MAGI2: variants seen among roughly 807,000 people sequenced by gnomAD.
The protein encoded by MAGI2 is membrane-associated guanylate kinase, WW and PDZ domain-containing protein 2.
MAGI2 carries 35 observed loss-of-function variants against 133.3 expected under a neutral mutation model. That is an observed-to-expected ratio of 0.26 (90% CI 0.20 to 0.35). The LOEUF (loss-of-function observed/expected upper bound fraction) is 0.35, where lower values mean the gene tolerates loss of function less well. Among genes scored for constraint, MAGI2 ranks in the 10% least tolerant of loss-of-function variants. The pLI, the probability that MAGI2 is intolerant of heterozygous loss-of-function variation, is 1.00. For missense variants in MAGI2, 1,636 were observed against 1,863.4 expected (o/e 0.88, Z 2.25); for synonymous variants, 729 against 710.6 (o/e 1.03, Z -0.41).
At chr7:78,159,671 T>G (rs936865556) in intron 16 of MAGI2, 14 of 164,228 alleles carry the variant, frequency 8.5e-5, no homozygotes, top group East Asian at 1.7e-4. Flanking sequence ...TCAATCAAGT[T>G]ACTTACAGAA....
intron 1 of MAGI2, among the ~76,000 whole-genome samples, chr7:79,332,793 C>A (rs1431724389): frequency 6.6e-6 from 1 of 152,130 alleles, no homozygotes; most frequent in East Asian, 1.9e-4. Flanking sequence ...TTTTGTGAAC[C>A]TAAGTTCATA....
At chr7:79,185,721 G>A (rs749667600) in intron 1 of MAGI2, among the ~76,000 whole-genome samples, 10 of 151,688 alleles carry the variant, frequency 6.6e-5, no homozygotes, top group Non-Finnish European at 1.3e-4. Context: ...ACATCGTGTT[G>A]AAACATGCTC....
intron 9 of MAGI2, among the ~76,000 whole-genome samples, chr7:78,323,746 T>A (rs1788256837): frequency 6.6e-6 from 1 of 152,208 alleles, no homozygotes; most frequent in Admixed American, 6.5e-5. Flanking sequence ...GTAATCTAAA[T>A]GACATAAAAA....
At chr7:78,958,528 T>C (rs574790787) in intron 2 of MAGI2, among the ~76,000 whole-genome samples, 6 of 152,182 alleles carry the variant, frequency 3.9e-5, no homozygotes, top group Non-Finnish European at 8.8e-5. Flanking sequence ...TTTTAGACAT[T>C]ATACCAGATT....
At chr7:78,373,051 G>C (rs916582190) in intron 6 of MAGI2, among the ~76,000 whole-genome samples, 4 of 152,022 alleles carry the variant, frequency 2.6e-5, no homozygotes, top group Non-Finnish European at 5.9e-5. Context: ...TCAAACTTCT[G>C]GGCTCAAGGA....
At chr7:78,944,335 C>T (rs1430550829) in intron 2 of MAGI2, among the ~76,000 whole-genome samples, 3 of 152,122 alleles carry the variant, frequency 2.0e-5, no homozygotes, top group African/African-American at 7.2e-5. Context: ...GTGGCTGCCC[C>T]TCATTGAGTA....
intron 6 of MAGI2, among the ~76,000 whole-genome samples, chr7:78,445,337 G>T (rs564279683): frequency 6.6e-6 from 1 of 151,884 alleles, no homozygotes. Context: ...TGAAATCAAC[G>T]AACGATTATA....
At chr7:78,583,696 C>T (rs1803091139) in intron 3 of MAGI2, among the ~76,000 whole-genome samples, 1 of 151,992 alleles carries the variant, frequency 6.6e-6, no homozygotes, top group Non-Finnish European at 1.5e-5. Flanking sequence ...AAATGGGTGA[C>T]AGTAATGATA....
chr7:79,361,267 G>A (rs1167174878), intron 1 of MAGI2, among the ~76,000 whole-genome samples: 1 of 152,082 alleles, frequency 6.6e-6, no homozygotes, highest in Non-Finnish European at 1.5e-5. Flanking sequence ...AGCTACAGGT[G>A]GGAACTTCAA....
intron 2 of MAGI2, among the ~76,000 whole-genome samples, chr7:78,745,226 C>G (rs1822810684): frequency 6.6e-6 from 1 of 152,078 alleles, no homozygotes; most frequent in Admixed American, 6.6e-5. Flanking sequence ...TAAAATAAGT[C>G]TCAACTGGAA....
rs180759715 is a variant in MAGI2, at chr7:78,465,479, A to G, written c.1045+24282T>C. ...GAGAAATCCTTAGGCTATTCTCTGG[A>G]GAAGTTGCTGTTTCAGAAATTTTAG... On this transcript the variant is annotated intron_variant, in intron 6 of 21. Coordinates refer to ENST00000354212, the MANE Select transcript of MAGI2 (RefSeq NM_012301.4). Among the ~76,000 whole-genome samples, 345 of 152,262 alleles carry G rather than the reference A, an allele frequency of 2.3e-3. 1 individual carries two copies. The highest frequency in any genetic ancestry group is 7.9e-3 in the African/African-American group (330 of 41,556).
chr7:78,813,512 G>A (rs1487079021), intron 2 of MAGI2, among the ~76,000 whole-genome samples: 4 of 152,110 alleles, frequency 2.6e-5, no homozygotes, highest in East Asian at 1.9e-4. Flanking sequence ...GGGGCCGGGC[G>A]CGATGGCTCA....
In MAGI2 at chr7:78,564,460, A is replaced by G. The variant is rs556144930; in HGVS notation, c.539-42815T>C. Among the ~76,000 whole-genome samples the G allele has an allele frequency of 1.2e-4, 19 of 152,328 alleles. No homozygotes were observed. The South Asian group carries it at 3.9e-3, about 32-fold the overall frequency. On this transcript the variant is annotated intron_variant, in intron 3 of 21. Transcript: ENST00000354212. ...ATGATCCACTTATTTATCAACTTCA[A>G]TGCTGACAAAGTTTCAGGTTAGCAA...
chr7:78,348,060 T>G (rs1791098385), intron 7 of MAGI2, among the ~76,000 whole-genome samples: 1 of 152,192 alleles, frequency 6.6e-6, no homozygotes, highest in Non-Finnish European at 1.5e-5. Flanking sequence ...TGTTCCTGAT[T>G]TTGCCCTCAC....
chr7:78,423,570 G>A (rs1030078438), intron 6 of MAGI2, among the ~76,000 whole-genome samples: 3 of 152,186 alleles, frequency 2.0e-5, no homozygotes, highest in Non-Finnish European at 4.4e-5. Flanking sequence ...GGAGGACTCA[G>A]AAGAAGATAG....
chr7:78,560,836 G>A lies in MAGI2; in HGVS notation c.539-39191C>T, dbSNP rs556913565. On this transcript the variant is annotated intron_variant, in intron 3 of 21. Coordinates refer to ENST00000354212, the MANE Select transcript of MAGI2 (RefSeq NM_012301.4). ...ATCAGGAATTGACATCTAGGATAAT[G>A]AGAGAAGGCTGATCATGGACAACAT... is the stretch of plus-strand genomic sequence containing the variant. 3.3e-5 allele frequency among the ~76,000 whole-genome samples: 5 copies of A among 152,290 alleles called. No homozygotes were observed. The South Asian group carries it at 1.0e-3, about 32-fold the overall frequency.
rs189665658 is a variant in MAGI2, at chr7:79,173,343, G to A, written c.302-166137C>T. Among the ~76,000 whole-genome samples the A allele has an allele frequency of 4.5e-3, 679 of 151,034 alleles. 5 individuals carry two copies. Among genetic ancestry groups the A allele is most frequent in the Non-Finnish European group, 5.8e-3 (392 of 67,806 alleles). ...TAATTGCATTTTTTTTTTTACTTCT[G>A]ATGATAAGGTCTTCCTCTATCACCT... is the stretch of plus-strand genomic sequence containing the variant. On this transcript the variant is annotated intron_variant, in intron 1 of 21. Transcript: ENST00000354212.
chr7:78,719,633 G>A (rs530170590), intron 2 of MAGI2, among the ~76,000 whole-genome samples: 102 of 152,316 alleles, frequency 6.7e-4, no homozygotes, highest in Admixed American at 1.9e-3. Context: ...CAACGACAAA[G>A]GTCATGCCAA....
chr7:78,820,174 C>T (rs1383028596), intron 2 of MAGI2, among the ~76,000 whole-genome samples: 2 of 151,904 alleles, frequency 1.3e-5, no homozygotes, highest in Non-Finnish European at 2.9e-5. Flanking sequence ...AAAAAAGTCA[C>T]TTTCAGAAGG....
Sources: gnomAD v4.1 joint callset for allele counts (sites outside exome capture counted in the v4.1 genomes callset) on GRCh38, gnomAD v4.1.1 for gene constraint, MANE v1.5 for transcripts, NCBI Gene and HGNC (gene_info 2026-07-23, HGNC 2026-07-21) for gene names.